The following UGGT2 variants were observed in gnomAD, a reference collection of about 807,000 sequenced individuals.
UGGT2 encodes the protein UDP-glucose:glycoprotein glucosyltransferase 2.
UGGT2 carries 180 observed loss-of-function variants against 192.1 expected under a neutral mutation model. The observed-to-expected ratio is 0.94, with a 90% CI of 0.83 to 1.06. The LOEUF is 1.06. Ranked by LOEUF, UGGT2 falls within the 50% of genes least tolerant of loss-of-function variation. The probability of loss-of-function intolerance (pLI) is 0.00; values close to 1 mark genes in which losing one functional copy is unlikely to be tolerated. For missense variants in UGGT2, 1,849 were observed against 1,795.7 expected, an observed-to-expected ratio of 1.03 and a Z score of -0.54; for synonymous variants, 580 against 591.0, an observed-to-expected ratio of 0.98 and a Z score of 0.27.
At chr13:96,046,683 G>A (rs1477472121) in intron 1 of UGGT2, among the ~76,000 whole-genome samples, 7 of 152,202 alleles carry the variant, frequency 4.6e-5, no homozygotes, top group South Asian at 2.1e-4. Context: ...CGCCTCACCC[G>A]GAAAGTGCAA....
At chr13:95,822,422 C>T (rs1430851119) in intron 38 of UGGT2, among the ~76,000 whole-genome samples, 1 of 152,036 alleles carries the variant, frequency 6.6e-6, no homozygotes, top group Non-Finnish European at 1.5e-5. Context: ...ATTAGTTTAT[C>T]AGAACTAGGA....
chr13:95,925,934 CGT>C (rs1352305889), intron 19 of UGGT2, among the ~76,000 whole-genome samples, 160 bp from the exon 20 acceptor site: 4 of 151,668 alleles, frequency 2.6e-5, no homozygotes, highest in Non-Finnish European at 5.9e-5. Context: ...CATGCAAGTA[CGT>C]ATATATACAT....
intron 5 of UGGT2, among the ~76,000 whole-genome samples, chr13:96,007,070 G>GC (rs1414543196): frequency 1.3e-5 from 2 of 152,084 alleles, no homozygotes; most frequent in East Asian, 3.8e-4. Flanking sequence ...AATGAATTCA[G>GC]CAACAACTTA....
intron 9 of UGGT2, among the ~76,000 whole-genome samples, chr13:95,984,612 G>A (rs1226613601): frequency 2.0e-5 from 3 of 152,126 alleles, no homozygotes; most frequent in East Asian, 1.9e-4. Flanking sequence ...TTATAGGTGC[G>A]AGCCATTGCA....
intron 38 of UGGT2, among the ~76,000 whole-genome samples, chr13:95,816,528 G>C (rs1393584421): frequency 2.0e-5 from 3 of 152,126 alleles, no homozygotes; most frequent in Non-Finnish European, 4.4e-5. Context: ...GCATAGAATA[G>C]TATATCTATA....
intron 7 of UGGT2, chr13:95,991,553 G>A (rs1200427849): frequency 2.8e-6 from 1 of 351,728 alleles, no homozygotes; most frequent in Non-Finnish European, 5.8e-6. Flanking sequence ...ATATAGTACA[G>A]TGTCAATATC....
intron 4 of UGGT2, among the ~76,000 whole-genome samples, chr13:96,016,904 T>C (rs977374992): frequency 6.6e-6 from 1 of 152,170 alleles, no homozygotes; most frequent in African/African-American, 2.4e-5. Context: ...GGTTGTATCC[T>C]GCAAAGTTAG....
intron 17 of UGGT2, among the ~76,000 whole-genome samples, chr13:95,929,360 T>G (rs1050046209): frequency 7.9e-5 from 12 of 152,236 alleles, no homozygotes; most frequent in Non-Finnish European, 1.8e-4. Context: ...GTGTATCATG[T>G]AATGCTGAAG....
At chr13:95,936,142 T>A (rs1342306556) in intron 17 of UGGT2, among the ~76,000 whole-genome samples, 1 of 152,240 alleles carries the variant, frequency 6.6e-6, no homozygotes, top group Non-Finnish European at 1.5e-5. Context: ...TTCTTTTTTG[T>A]TATTTTTGTC....
intron 36 of UGGT2, among the ~76,000 whole-genome samples, chr13:95,848,451 C>A (rs1196873678): frequency 6.6e-6 from 1 of 152,112 alleles, no homozygotes; most frequent in Non-Finnish European, 1.5e-5. Context: ...AGTCTATAAA[C>A]CATTCTAATT....
intron 16 of UGGT2, among the ~76,000 whole-genome samples, chr13:95,939,754 A>T (rs1315825815): frequency 1.3e-5 from 2 of 152,068 alleles, no homozygotes; most frequent in African/African-American, 2.4e-5. Flanking sequence ...AGATCTCTTG[A>T]ACTTATTTCT....
chr13:95,952,733 A>C (rs1202265773), intron 12 of UGGT2, among the ~76,000 whole-genome samples: 1 of 152,104 alleles, frequency 6.6e-6, no homozygotes, highest in Non-Finnish European at 1.5e-5. Flanking sequence ...TAATATGAAA[A>C]TCATAGCTTA....
At chr13:95,948,804 T>C (rs2049964990) in intron 13 of UGGT2, among the ~76,000 whole-genome samples, 1 of 152,172 alleles carries the variant, frequency 6.6e-6, no homozygotes, top group Non-Finnish European at 1.5e-5. Context: ...GTGACTAATA[T>C]GGTTTGGCTG....
chr13:95,908,221 C>T (rs1206230560), intron 20 of UGGT2, among the ~76,000 whole-genome samples: 1 of 152,122 alleles, frequency 6.6e-6, no homozygotes, highest in Admixed American at 6.5e-5. Context: ...AAGAAACAAA[C>T]AAAGCCTCCA....
At chr13:95,981,113 C>G (rs1195390676) in intron 10 of UGGT2, among the ~76,000 whole-genome samples, 1 of 152,128 alleles carries the variant, frequency 6.6e-6, no homozygotes, top group East Asian at 1.9e-4. Flanking sequence ...TCCTCTTTAT[C>G]TCCTTAAGTA....
chr13:95,914,071 G>A (rs1306466931), intron 20 of UGGT2, among the ~76,000 whole-genome samples: 1 of 152,068 alleles, frequency 6.6e-6, no homozygotes, highest in African/African-American at 2.4e-5. Flanking sequence ...CACAGGGAAG[G>A]GAACATCACC....
At chr13:95,901,741 T>A (rs1262166616) in intron 21 of UGGT2, among the ~76,000 whole-genome samples, 1 of 152,122 alleles carries the variant, frequency 6.6e-6, no homozygotes, top group Admixed American at 6.6e-5. Context: ...CTTATTTAAG[T>A]ATAAAATGGC....
intron 20 of UGGT2, among the ~76,000 whole-genome samples, chr13:95,905,123 G>A (rs1461294132): frequency 2.6e-5 from 4 of 151,998 alleles, no homozygotes; most frequent in Admixed American, 1.3e-4. Context: ...CATGTCCTTC[G>A]CCCACTTTGT....
chr13:95,936,612 G>T (rs2049472907), intron 17 of UGGT2, among the ~76,000 whole-genome samples: 1 of 152,200 alleles, frequency 6.6e-6, no homozygotes, highest in Non-Finnish European at 1.5e-5. Context: ...GCATGGAGCT[G>T]GGAAACCTCC....
Sources: gnomAD v4.1 joint callset for allele counts (sites outside exome capture counted in the v4.1 genomes callset) on GRCh38, gnomAD v4.1.1 for gene constraint, MANE v1.5 for transcripts, NCBI Gene and HGNC (gene_info 2026-07-23, HGNC 2026-07-21) for gene names.